The following CSNK1G2 variants were observed in gnomAD, a reference collection of about 807,000 sequenced individuals.
CSNK1G2 encodes casein kinase I isoform gamma-2.
Under a neutral mutation model 48.0 loss-of-function variants are expected in CSNK1G2, and 11 were observed. That is an observed-to-expected ratio of 0.23 (90% CI 0.14 to 0.38). CSNK1G2 has a LOEUF of 0.38. Ranked by LOEUF, CSNK1G2 falls within the 10% of genes least tolerant of loss-of-function variation. CSNK1G2 has a pLI of 1.00. For synonymous variants in CSNK1G2, 337 were observed against 254.1 expected (o/e 1.33, Z -3.10); for missense variants, 446 against 595.5 (o/e 0.75, Z 2.61).
At chr19:1,954,351 G>A (rs2014904016) in intron 1 of CSNK1G2, 2 of 200,764 alleles carry the variant, frequency 1.0e-5, no homozygotes. Context: ...CTTTCCTTGG[G>A]GTGCAGATGA....
At chr19:1,953,037 A>G (rs1486823345) in intron 1 of CSNK1G2, 1 of 403,130 alleles carries the variant, frequency 2.5e-6, no homozygotes, top group East Asian at 9.9e-5. Flanking sequence ...AAGGAAATGT[A>G]GAAACGCAGC....
intron 1 of CSNK1G2, among the ~76,000 whole-genome samples, chr19:1,946,327 T>C (rs1291389707): frequency 6.6e-6 from 1 of 151,010 alleles, no homozygotes; most frequent in African/African-American, 2.4e-5. Context: ...AGTCTTGCAC[T>C]GTTGCCCAGG....
At chr19:1,973,135 G>A (rs957549717) in intron 2 of CSNK1G2, among the ~76,000 whole-genome samples, 4 of 150,420 alleles carry the variant, frequency 2.7e-5, no homozygotes, top group Admixed American at 2.0e-4. Context: ...CGCCGTGTTA[G>A]CCAGGATGGT....
rs114942824 is a variant in CSNK1G2, at chr19:1,970,247, G to A, written c.187+288G>A. 2.9e-3 allele frequency among the ~76,000 whole-genome samples: 445 copies of A among 152,368 alleles called. 3 individuals carry two copies. The highest frequency in any genetic ancestry group is 9.7e-3 in the African/African-American group (404 of 41,586). On this transcript the variant is annotated intron_variant, in intron 2 of 11. Transcript: ENST00000255641. ...GGCCAGGCCACGCCGCAAGGAGCCC[G>A]ATGTTAAGTTGTGAATGACTTTCAT...
intron 1 of CSNK1G2, among the ~76,000 whole-genome samples, chr19:1,955,213 G>T (rs921776124): frequency 6.6e-6 from 1 of 151,974 alleles, no homozygotes; most frequent in Non-Finnish European, 1.5e-5. Flanking sequence ...GCTCTTGTTT[G>T]TGGGGGCAGG....
intron 2 of CSNK1G2, chr19:1,975,638 C>T (rs1014198071): frequency 1.2e-5 from 12 of 985,208 alleles, no homozygotes; most frequent in Non-Finnish European, 1.1e-5. Context: ...CGAAGGGCAG[C>T]GCAGGAAGGA....
chr19:1,970,119 C>T (rs985624509), intron 2 of CSNK1G2, among the ~76,000 whole-genome samples, 160 bp downstream of exon 2: 4 of 152,172 alleles, frequency 2.6e-5, no homozygotes, highest in African/African-American at 9.7e-5. Flanking sequence ...CGTCGTGGTG[C>T]GAGTGCCACT....
intron 1 of CSNK1G2, among the ~76,000 whole-genome samples, chr19:1,947,824 TG>T (rs2014617638): frequency 6.6e-6 from 1 of 152,182 alleles, no homozygotes; most frequent in Admixed American, 6.5e-5. Flanking sequence ...AGGGGCGCTG[TG>T]TGGGGCTCGC....
chr19:1,948,508 T>C (rs1400261574), intron 1 of CSNK1G2, among the ~76,000 whole-genome samples: 4 of 117,648 alleles, frequency 3.4e-5, no homozygotes, highest in Admixed American at 1.3e-4. Flanking sequence ...GGCGACAGAG[T>C]GAGACTCCGT....
At chr19:1,942,273 A>G (rs1278094211) in intron 1 of CSNK1G2, among the ~76,000 whole-genome samples, 1 of 152,204 alleles carries the variant, frequency 6.6e-6, no homozygotes, top group Non-Finnish European at 1.5e-5. Context: ...CTCTCTCCCA[A>G]CTTTCTTAGG....
At chr19:1,946,121 C>T (rs2014546619) in intron 1 of CSNK1G2, among the ~76,000 whole-genome samples, 1 of 152,076 alleles carries the variant, frequency 6.6e-6, no homozygotes, top group African/African-American at 2.4e-5. Context: ...AGGTCACTCC[C>T]ATTCCATACC....
chr19:1,975,992 GC>G, intron 2 of CSNK1G2: 1 of 1,104,640 alleles, frequency 9.1e-7, no homozygotes, highest in Non-Finnish European at 1.2e-6. Context: ...CCGTGATCGC[GC>G]CAGTGCACTC....
At chr19:1,977,438 C>T (rs893321073) in intron 2 of CSNK1G2, among the ~76,000 whole-genome samples, 1 of 152,206 alleles carries the variant, frequency 6.6e-6, no homozygotes, top group African/African-American at 2.4e-5. Flanking sequence ...CGCCTCCTTC[C>T]TCAGGGGGTG....
At chr19:1,953,638 C>T (rs35628322) in intron 1 of CSNK1G2, 202,320 of 407,796 alleles carry the variant, frequency 0.5, 55,418 homozygotes, top group Non-Finnish European at 0.6. Flanking sequence ...CAGCTCTGCC[C>T]GTGGCCCTCA....
Position 1,969,822 on chromosome 19 carries a change from G to A in CSNK1G2, c.50G>A (p.Arg17Lys). The A allele has an allele frequency of 7.6e-7, 1 of 1,310,900 alleles. No individual in the cohort carries two copies. Among genetic ancestry groups the A allele is most frequent in the Non-Finnish European group, 9.8e-7 (1 of 1,021,132 alleles). The allele number at this position is 1,310,900 out of a possible 1,614,324, so 81.2% of individuals were successfully genotyped here. A position where few individuals can be genotyped will look rare whatever the true frequency, so the allele number is the denominator to read the frequency against. ...AAAGGGGAGACGGAGGAGGGCCGGA[G>A]AATGTCCAAGGCCGGCGGGGGCCGG... ...GGKGETEEGR[R>K]MSKAGGGRSS... is the part of the protein sequence containing the mutation. The change falls in exon 2 of 12, where the codon AGA (arginine) becomes AAA (lysine). Residue 17 changes from arginine to lysine, a missense_variant. By Grantham distance (26) the Arg-to-Lys change is conservative. This residue lies in a region of CSNK1G2 where 258 missense variants were observed against 415.9 expected (regional missense o/e 0.62). Transcript: ENST00000255641.
chr19:1,950,219 A>G (rs941118464), intron 1 of CSNK1G2, among the ~76,000 whole-genome samples: 2 of 152,026 alleles, frequency 1.3e-5, no homozygotes, highest in Non-Finnish European at 2.9e-5. Flanking sequence ...TGCTCACTGC[A>G]AGCTCTGCCT....
chr19:1,961,738 G>A (rs944549459), intron 1 of CSNK1G2, among the ~76,000 whole-genome samples: 13 of 152,266 alleles, frequency 8.5e-5, no homozygotes, highest in Admixed American at 1.3e-4. Flanking sequence ...CGCCCAGGAA[G>A]GAAGTTAAAT....
chr19:1,978,013 C>T lies in CSNK1G2; in HGVS notation c.188-292C>T, dbSNP rs2015818967. 6.6e-6 allele frequency among the ~76,000 whole-genome samples: 1 copy of T among 152,068 alleles called. No individual in the cohort carries two copies. The highest frequency in any genetic ancestry group is 2.1e-4 in the South Asian group (1 of 4,822). Reference sequence around the variant, plus strand: ...GGGGCTGCCTGCAGGCCGTGAGAGACCTCCCCAGTGCCGCTTCTGTCCTGG... The same window carrying T: ...GGGGCTGCCTGCAGGCCGTGAGAGATCTCCCCAGTGCCGCTTCTGTCCTGG... On this transcript the variant is annotated intron_variant, in intron 2 of 11. Coordinates refer to ENST00000255641, the MANE Select transcript of CSNK1G2 (RefSeq NM_001319.7). The surrounding 1 kb of genome is among the most constrained non-coding windows in gnomAD (Gnocchi z 7.3).
chr19:1,941,502 C>A (rs1203283246), intron 1 of CSNK1G2, 84 bp downstream of exon 1: 7 of 143,348 alleles, frequency 4.9e-5, no homozygotes, highest in Non-Finnish European at 9.3e-5. Context: ...GCGCCCCCGC[C>A]CCCACACTCG....
Sources: gnomAD v4.1 joint callset for allele counts (sites outside exome capture counted in the v4.1 genomes callset) on GRCh38, gnomAD v4.1.1 for gene constraint, gnomAD v4.1.1 regional missense constraint, Gnocchi (gnomAD v3.1) non-coding constraint, MANE v1.5 for transcripts, NCBI Gene and HGNC (gene_info 2026-07-23, HGNC 2026-07-21) for gene names.